Variants in PRDM16 observed in about 807,000 individuals in gnomAD.
PRDM16 encodes the protein PR/SET domain 16.
Under a neutral mutation model 110.6 loss-of-function variants are expected in PRDM16, and 23 were observed. The ratio of observed to expected loss-of-function variants is 0.21; its 90% CI spans 0.15 to 0.29. PRDM16 has a LOEUF of 0.29. Ranked by LOEUF, PRDM16 falls within the 10% of genes least tolerant of loss-of-function variation. The probability of loss-of-function intolerance (pLI) is 1.00; values close to 1 mark genes in which losing one functional copy is unlikely to be tolerated. For missense variants in PRDM16, 1,615 were observed against 1,794.3 expected (o/e 0.90, Z 1.81); for synonymous variants, 799 against 781.8 (o/e 1.02, Z -0.37).
chr1:3,263,302 AC>A (rs1640211988), intron 3 of PRDM16, among the ~76,000 whole-genome samples: 1 of 152,182 alleles, frequency 6.6e-6, no homozygotes, highest in East Asian at 1.9e-4. Flanking sequence ...CAAAGGCCTC[AC>A]CCCCAGGTGC....
At chr1:3,362,236 G>A (rs1051556642) in intron 3 of PRDM16, among the ~76,000 whole-genome samples, 2 of 152,338 alleles carry the variant, frequency 1.3e-5, no homozygotes, top group African/African-American at 4.8e-5. Flanking sequence ...ACGTGCCACC[G>A]GCACATGAGT....
intron 3 of PRDM16, among the ~76,000 whole-genome samples, chr1:3,327,643 G>A (rs1039311835): frequency 1.3e-5 from 2 of 151,540 alleles, no homozygotes; most frequent in African/African-American, 4.9e-5. Context: ...TCTTGGAGGC[G>A]GAGGTTACAG....
intron 1 of PRDM16, among the ~76,000 whole-genome samples, chr1:3,070,944 GT>G (rs1386218730): frequency 7.9e-5 from 12 of 152,256 alleles, no homozygotes; most frequent in Non-Finnish European, 1.6e-4. Flanking sequence ...ACCCCTCTTG[GT>G]GCGAACAAGA....
chr1:3,367,129 C>T (rs1489642477), intron 3 of PRDM16, among the ~76,000 whole-genome samples: 1 of 152,184 alleles, frequency 6.6e-6, no homozygotes, highest in Non-Finnish European at 1.5e-5. Context: ...ATTACCCGGG[C>T]GTGGTGTTGG....
intron 1 of PRDM16, among the ~76,000 whole-genome samples, chr1:3,134,648 G>A (rs918945438): frequency 2.6e-5 from 4 of 152,272 alleles, no homozygotes; most frequent in African/African-American, 9.6e-5. Context: ...GCGGCTTGAA[G>A]GACCTTGACC....
intron 3 of PRDM16, chr1:3,309,787 GC>G (rs1418105282): frequency 2.0e-5 from 3 of 152,364 alleles, no homozygotes; most frequent in African/African-American, 7.2e-5. Context: ...GAGGGCTACA[GC>G]CACTGTCAGA....
chr1:3,418,801 G>A, intron 12 of PRDM16, 57 bp downstream of exon 12: 1 of 1,312,390 alleles, frequency 7.6e-7, no homozygotes, highest in Admixed American at 1.7e-5. Flanking sequence ...GTGCACCGCT[G>A]ACCCACTCCT....
chr1:3,264,547 G>A (rs1640242060), intron 3 of PRDM16, among the ~76,000 whole-genome samples: 1 of 149,080 alleles, frequency 6.7e-6, no homozygotes. Context: ...GAGGGAGGCA[G>A]GGGAGGGGCA....
At chr1:3,218,341 C>T (rs571827880) in intron 2 of PRDM16, among the ~76,000 whole-genome samples, 49 of 152,358 alleles carry the variant, frequency 3.2e-4, no homozygotes, top group Middle Eastern at 3.4e-3. Flanking sequence ...AATGCTTTAT[C>T]GGAGAAGGGG....
chr1:3,172,894 T>A (rs1217167432), intron 1 of PRDM16, among the ~76,000 whole-genome samples: 2 of 152,218 alleles, frequency 1.3e-5, no homozygotes, highest in Admixed American at 1.3e-4. Flanking sequence ...ATGAATGTGC[T>A]TAATGCCACT....
chr1:3,147,184 T>C (rs763031494), intron 1 of PRDM16, among the ~76,000 whole-genome samples: 5 of 147,154 alleles, frequency 3.4e-5, no homozygotes, highest in Non-Finnish European at 6.0e-5. Context: ...GTGTGCTCGG[T>C]GTGGGTGTGG....
At chr1:3,141,532 C>G (rs866237449) in intron 1 of PRDM16, among the ~76,000 whole-genome samples, 1 of 152,240 alleles carries the variant, frequency 6.6e-6, no homozygotes, top group Non-Finnish European at 1.5e-5. Flanking sequence ...TTGTACAATA[C>G]GTTATCAGTG....
intron 1 of PRDM16, among the ~76,000 whole-genome samples, chr1:3,181,649 TAC>T (rs201101509): frequency 3.5e-5 from 4 of 114,656 alleles, no homozygotes; most frequent in Admixed American, 3.5e-4. Context: ...CACACGGTCT[TAC>T]ACACGGTCTT....
chr1:3,073,386 G>A (rs756570072), intron 1 of PRDM16, among the ~76,000 whole-genome samples: 2 of 152,220 alleles, frequency 1.3e-5, no homozygotes, highest in Non-Finnish European at 2.9e-5. Context: ...AAAATTATCC[G>A]GGATTAAAAA....
In PRDM16 at chr1:3,353,372, G is replaced by C. The variant is rs967635508; in HGVS notation, c.439-31780G>C. Among the ~76,000 whole-genome samples, 2 of 152,210 alleles carry C rather than the reference G, an allele frequency of 1.3e-5. No individual in the cohort carries two copies. The highest frequency in any genetic ancestry group is 4.1e-4 in the South Asian group (2 of 4,832). On this transcript the variant is annotated intron_variant, in intron 3 of 16. Coordinates refer to ENST00000270722, the MANE Select transcript of PRDM16 (RefSeq NM_022114.4). This position sits in a 1 kb window ranked among gnomAD's most constrained non-coding sequence, Gnocchi z 5.4. ...GGCCCTCATTGGGTGAGGGAGGCCC[G>C]GGGTATTTCTTGCCACATCTGAAAT...
In PRDM16 at chr1:3,394,471, G is replaced by C. The variant is rs760442430; in HGVS notation, c.574-2020G>C. 6.7e-6 allele frequency: 3 copies of C among 449,514 alleles called. No homozygotes were observed. In the East Asian group the frequency reaches 2.2e-4, roughly 32 times the overall value. The allele number at this position is 449,514 out of a possible 1,614,324, so 27.8% of individuals were successfully genotyped here. On this transcript the variant is annotated intron_variant, in intron 4 of 16. Transcript: ENST00000270722. ...GAGGTCTCACGTCAGGACCCTCGAC[G>C]GGGGTGGGGTGGAGAGGGAGGTGGT...
At chr1:3,086,346 G>T (rs1410152006) in intron 1 of PRDM16, among the ~76,000 whole-genome samples, 6 of 152,222 alleles carry the variant, frequency 3.9e-5, no homozygotes, top group Admixed American at 3.9e-4. Flanking sequence ...TGCAGGCCAA[G>T]GTTCCCTGCC....
chr1:3,416,454 G>A lies in PRDM16; in HGVS notation c.2692-1374G>A, dbSNP rs774125977. 3.9e-4 allele frequency among the ~76,000 whole-genome samples: 59 copies of A among 152,268 alleles called. 1 individual carries two copies. The South Asian group carries it at 4.3e-3, about 11-fold the overall frequency. ...GCTCTGAGCATTGCCCAGAGGCAGC[G>A]AGCCCTATATGAAGCCCCTTGATGA... On this transcript the variant is annotated intron_variant, in intron 10 of 16. Coordinates refer to ENST00000270722, the MANE Select transcript of PRDM16 (RefSeq NM_022114.4).
At chr1:3,131,965 A>T (rs899683319) in intron 1 of PRDM16, among the ~76,000 whole-genome samples, 1 of 152,122 alleles carries the variant, frequency 6.6e-6, no homozygotes, top group African/African-American at 2.4e-5. Flanking sequence ...AACAATGACA[A>T]TTTTTTTTCA....
Sources: gnomAD v4.1 joint callset for allele counts (sites outside exome capture counted in the v4.1 genomes callset) on GRCh38, gnomAD v4.1.1 for gene constraint, Gnocchi (gnomAD v3.1) non-coding constraint, MANE v1.5 for transcripts, NCBI Gene and HGNC (gene_info 2026-07-23, HGNC 2026-07-21) for gene names.